Variants in ELMO1 observed in about 807,000 individuals in gnomAD.
The protein encoded by ELMO1 is engulfment and cell motility 1.
A neutral mutation model predicts 98.9 loss-of-function variants in ELMO1; 26 were observed. The ratio of observed to expected loss-of-function variants is 0.26; its 90% CI spans 0.19 to 0.36. The LOEUF (loss-of-function observed/expected upper bound fraction) is 0.36. Among genes scored for constraint, ELMO1 ranks in the 10% least tolerant of loss-of-function variants. The pLI, the probability that ELMO1 is intolerant of heterozygous loss-of-function variation, is 1.00. For synonymous variants in ELMO1, 346 were observed against 346.0 expected, an observed-to-expected ratio of 1.00 and a Z score of 0.00; for missense variants, 627 against 935.2, an observed-to-expected ratio of 0.67 and a Z score of 4.30.
intron 15 of ELMO1, among the ~76,000 whole-genome samples, chr7:37,090,215 A>G (rs1211418200): frequency 6.6e-6 from 1 of 152,198 alleles, no homozygotes; most frequent in Non-Finnish European, 1.5e-5. Flanking sequence ...TATGCAATAC[A>G]TGTCCTTGGC....
intron 20 of ELMO1, among the ~76,000 whole-genome samples, chr7:36,869,919 G>A (rs1464384745): frequency 6.6e-6 from 1 of 152,220 alleles, no homozygotes; most frequent in African/African-American, 2.4e-5. Context: ...AGTTTTCTAA[G>A]ATTCTTTGAG....
chr7:37,063,120 T>C (rs1389626135), intron 15 of ELMO1, among the ~76,000 whole-genome samples: 1 of 152,182 alleles, frequency 6.6e-6, no homozygotes, highest in Non-Finnish European at 1.5e-5. Context: ...TCTCTTAGGA[T>C]TCAATGAAAA....
At chr7:36,931,111 G>A (rs1442543585) in intron 16 of ELMO1, among the ~76,000 whole-genome samples, 2 of 152,222 alleles carry the variant, frequency 1.3e-5, no homozygotes, top group Non-Finnish European at 2.9e-5. Flanking sequence ...TGGGCACCAT[G>A]CTAGAATGAA....
At chr7:37,302,064 G>T (rs1258737261) in intron 4 of ELMO1, among the ~76,000 whole-genome samples, 1 of 152,204 alleles carries the variant, frequency 6.6e-6, no homozygotes, top group African/African-American at 2.4e-5. Context: ...GAAATGTAAA[G>T]AAATGATGGG....
chr7:37,348,422 C>T (rs566642313), intron 1 of ELMO1, among the ~76,000 whole-genome samples: 1 of 152,080 alleles, frequency 6.6e-6, no homozygotes, highest in South Asian at 2.1e-4. Flanking sequence ...AATGCTATAC[C>T]GTTCCTGCTT....
intron 16 of ELMO1, among the ~76,000 whole-genome samples, chr7:36,902,168 T>C (rs550102962): frequency 1.3e-5 from 2 of 152,340 alleles, no homozygotes; most frequent in African/African-American, 4.8e-5. Flanking sequence ...AACCTCTGGC[T>C]CCTCTCAATT....
intron 17 of ELMO1, among the ~76,000 whole-genome samples, chr7:36,889,100 AAG>A (rs1193671048): frequency 1.1e-4 from 16 of 152,316 alleles, no homozygotes; most frequent in African/African-American, 3.8e-4. Flanking sequence ...CATGAGAAAA[AAG>A]AAAAAAGTTA....
intron 13 of ELMO1, among the ~76,000 whole-genome samples, chr7:37,177,401 A>G (rs1343840611): frequency 6.6e-6 from 1 of 152,228 alleles, no homozygotes; most frequent in African/African-American, 2.4e-5. Context: ...CAAACTTCAG[A>G]GCTAATTAAA....
At chr7:37,258,668 T>C (rs1295573465) in intron 6 of ELMO1, among the ~76,000 whole-genome samples, 1 of 152,222 alleles carries the variant, frequency 6.6e-6, no homozygotes, top group Non-Finnish European at 1.5e-5. Context: ...ATGACAAGTA[T>C]TTAATCATTC....
chr7:37,383,309 T>A (rs893562930), intron 1 of ELMO1, among the ~76,000 whole-genome samples: 1 of 152,174 alleles, frequency 6.6e-6, no homozygotes, highest in Non-Finnish European at 1.5e-5. Context: ...TGACATTTTT[T>A]AAGAGTACAG....
chr7:37,004,739 A>G (rs1448358628), intron 16 of ELMO1, among the ~76,000 whole-genome samples: 1 of 152,230 alleles, frequency 6.6e-6, no homozygotes. Flanking sequence ...CCAGAAAGCA[A>G]AACATATTAA....
At chr7:37,060,004 T>C (rs575913753) in intron 15 of ELMO1, among the ~76,000 whole-genome samples, 2 of 152,342 alleles carry the variant, frequency 1.3e-5, no homozygotes, top group South Asian at 2.1e-4. Flanking sequence ...CAAGGAAATA[T>C]GTGGATTGGG....
intron 15 of ELMO1, among the ~76,000 whole-genome samples, chr7:37,034,364 G>A (rs928111475): frequency 6.6e-6 from 1 of 152,092 alleles, no homozygotes; most frequent in African/African-American, 2.4e-5. Context: ...ACAAACCAAT[G>A]CCTTGATCTC....
intron 1 of ELMO1, among the ~76,000 whole-genome samples, chr7:37,405,088 C>T (rs1249755505): frequency 1.3e-5 from 2 of 152,140 alleles, no homozygotes; most frequent in Non-Finnish European, 2.9e-5. Flanking sequence ...GCCACCGGCA[C>T]TGGGGGACTG....
At chr7:37,311,131 C>T (rs1798869319) in intron 4 of ELMO1, among the ~76,000 whole-genome samples, 1 of 149,852 alleles carries the variant, frequency 6.7e-6, no homozygotes, top group Admixed American at 6.6e-5. Context: ...CTGAATGCTA[C>T]TTAACATGAC....
At chr7:37,178,903 G>A (rs1185241024) in intron 13 of ELMO1, among the ~76,000 whole-genome samples, 1 of 152,244 alleles carries the variant, frequency 6.6e-6, no homozygotes. Context: ...CAGGTTGAAT[G>A]AGACTATAAC....
At chr7:37,034,115 C>A (rs576974831) in intron 15 of ELMO1, among the ~76,000 whole-genome samples, 3 of 152,244 alleles carry the variant, frequency 2.0e-5, no homozygotes, top group African/African-American at 7.2e-5. Flanking sequence ...TAAATTGTGA[C>A]CTTCCACCCT....
chr7:37,207,802 TGTG>T (rs1348407934), intron 13 of ELMO1, among the ~76,000 whole-genome samples: 1 of 152,102 alleles, frequency 6.6e-6, no homozygotes, highest in East Asian at 1.9e-4. Context: ...ATTAGCTGGG[TGTG>T]GTGGTGGGCA....
At chr7:36,970,179 TAACACA>T (rs1562865871) in intron 16 of ELMO1, among the ~76,000 whole-genome samples, 1 of 113,152 alleles carries the variant, frequency 8.8e-6, no homozygotes, top group Non-Finnish European at 1.8e-5. Context: ...TTCATACACT[TAACACA>T]CACACACACA....
Sources: gnomAD v4.1 joint callset for allele counts (sites outside exome capture counted in the v4.1 genomes callset) on GRCh38, gnomAD v4.1.1 for gene constraint, MANE v1.5 for transcripts, NCBI Gene and HGNC (gene_info 2026-07-23, HGNC 2026-07-21) for gene names.